FOXP1: variants seen among roughly 807,000 people sequenced by gnomAD.
FOXP1 encodes the protein forkhead box protein P1.
In FOXP1, 15 loss-of-function variants were observed where a neutral mutation model predicts 98.2. The ratio of observed to expected loss-of-function variants is 0.15; its 90% CI spans 0.10 to 0.24. The LOEUF is 0.24. FOXP1 is among the 10% of genes least tolerant of loss of function. The probability of loss-of-function intolerance (pLI) is 1.00; values close to 1 mark genes in which losing one functional copy is unlikely to be tolerated. For synonymous variants in FOXP1, 371 were observed against 314.5 expected, an observed-to-expected ratio of 1.18 and a Z score of -1.90; for missense variants, 633 against 848.5, an observed-to-expected ratio of 0.75 and a Z score of 3.15.
intron 2 of FOXP1, among the ~76,000 whole-genome samples, chr3:71,507,241 A>C (rs2041891216): frequency 6.6e-6 from 1 of 152,184 alleles, no homozygotes; most frequent in Non-Finnish European, 1.5e-5. Flanking sequence ...GGCCAGGGTA[A>C]ACTGACACCG....
Position 71,143,200 on chromosome 3 carries a change from T to C in FOXP1, c.181-30563A>G, listed in dbSNP as rs562925665. ...TATATTCTTTCCTGGACCATTTTCA[T>C]TTTTAGCTTCCTTTTCTAATTATTT... On this transcript the variant is annotated intron_variant, in intron 6 of 20. Coordinates refer to ENST00000649528, the MANE Select transcript of FOXP1 (RefSeq NM_001349338.3). Among the ~76,000 whole-genome samples the C allele has an allele frequency of 1.5e-3, 231 of 152,370 alleles. 2 individuals carry two copies. The highest frequency in any genetic ancestry group is 2.9e-3 in the Non-Finnish European group (200 of 68,034).
intron 5 of FOXP1, among the ~76,000 whole-genome samples, chr3:71,282,446 ATTCCATG>A (rs2071672829): frequency 1.3e-5 from 2 of 152,082 alleles, no homozygotes; most frequent in Admixed American, 1.3e-4. Context: ...AACTTACTAC[ATTCCATG>A]TACTGTGCCA....
chr3:71,113,712 C>CATAAAATAAAAT (rs145515459), intron 6 of FOXP1, among the ~76,000 whole-genome samples: 4 of 102,378 alleles, frequency 3.9e-5, no homozygotes, highest in African/African-American at 1.5e-4. Context: ...GCTTCCATCT[C>CATAAAATAAAAT]AAAATAAAAT....
At position 70,977,973 on chromosome 3, in the gene FOXP1, C is replaced by T; in HGVS notation, c.1203G>A (p.Gln401=). 6.2e-7 allele frequency: 1 copy of T among 1,614,120 alleles called. No homozygotes were observed. Among genetic ancestry groups the T allele is most frequent in the Non-Finnish European group, 8.5e-7 (1 of 1,180,022 alleles). The stretch of plus-strand genomic sequence containing the variant: ...GGGTCGTTGGAGTATGAGGTAAGCT[C>T]TGTGGAGAAGCCTCCGATGCGGACT... ...LSKSASEASP[Q]SLPHTPTTPT... Residue 401 remains glutamine, a synonymous_variant, in exon 15 of 21, where the codon CAG becomes CAA. Coordinates refer to ENST00000649528, the MANE Select transcript of FOXP1 (RefSeq NM_001349338.3).
intron 3 of FOXP1, among the ~76,000 whole-genome samples, chr3:71,370,260 T>C (rs1190620999): frequency 6.6e-6 from 1 of 152,072 alleles, no homozygotes; most frequent in African/African-American, 2.4e-5. Context: ...AATAAAAGAA[T>C]GCTATTACAC....
At chr3:71,127,088 C>A (rs1575882386) in intron 6 of FOXP1, among the ~76,000 whole-genome samples, 1 of 152,054 alleles carries the variant, frequency 6.6e-6, no homozygotes, top group South Asian at 2.1e-4. Flanking sequence ...GGCACCTCCA[C>A]CCTACTGTGG....
chr3:70,987,126 T>C (rs1575897239), intron 14 of FOXP1, among the ~76,000 whole-genome samples: 2 of 152,242 alleles, frequency 1.3e-5, no homozygotes, highest in African/African-American at 2.4e-5. Flanking sequence ...ATAAAGGCAG[T>C]GTACCTTTAA....
At chr3:71,206,542 T>C (rs1479293698) in intron 5 of FOXP1, among the ~76,000 whole-genome samples, 9 of 152,270 alleles carry the variant, frequency 5.9e-5, no homozygotes. Flanking sequence ...TAAAATAATG[T>C]TCCTAACAAA....
chr3:71,319,417 T>A (rs1025121321), intron 4 of FOXP1, among the ~76,000 whole-genome samples: 10 of 152,162 alleles, frequency 6.6e-5, no homozygotes, highest in Non-Finnish European at 1.3e-4. Context: ...CTAACTACTA[T>A]GCTAACTATG....
chr3:71,503,329 A>G (rs968003999), intron 2 of FOXP1, among the ~76,000 whole-genome samples: 1 of 152,148 alleles, frequency 6.6e-6, no homozygotes, highest in Non-Finnish European at 1.5e-5. Context: ...AGGCCAAATT[A>G]CTTGCTAAAA....
chr3:71,357,392 T>G (rs1442953913), intron 4 of FOXP1, among the ~76,000 whole-genome samples: 1 of 152,192 alleles, frequency 6.6e-6, no homozygotes, highest in East Asian at 1.9e-4. Context: ...CAGGCTAAAA[T>G]TCTAACATGT....
chr3:71,158,723 A>G (rs1453631414), intron 6 of FOXP1, among the ~76,000 whole-genome samples: 1 of 96,216 alleles, frequency 1.0e-5, no homozygotes, highest in African/African-American at 3.5e-5. Flanking sequence ...TTCAGCCCAC[A>G]GACCAAAAAA....
At chr3:71,059,751 A>AATGGGAGGAG (rs1470255279) in intron 7 of FOXP1, among the ~76,000 whole-genome samples, 1 of 152,166 alleles carries the variant, frequency 6.6e-6, no homozygotes, top group African/African-American at 2.4e-5. Context: ...AAGTGCTGCA[A>AATGGGAGGAG]ATGGGAGGAG....
chr3:71,196,490 A>G (rs938923223), intron 6 of FOXP1, among the ~76,000 whole-genome samples: 2 of 152,134 alleles, frequency 1.3e-5, no homozygotes, highest in African/African-American at 4.8e-5. Flanking sequence ...AGAATTTCCC[A>G]TTTATGTAAT....
chr3:71,412,817 T>A (rs564206429), intron 3 of FOXP1, among the ~76,000 whole-genome samples: 2 of 152,146 alleles, frequency 1.3e-5, no homozygotes, highest in Admixed American at 6.6e-5. Flanking sequence ...ATGCATATAT[T>A]TTTTTAAAAA....
At chr3:71,542,825 G>C (rs1214106236) in intron 2 of FOXP1, among the ~76,000 whole-genome samples, 2 of 152,228 alleles carry the variant, frequency 1.3e-5, no homozygotes, top group Non-Finnish European at 2.9e-5. Context: ...TATGGAGTCA[G>C]CCTATGGCAG....
chr3:71,077,981 C>T (rs996778714), intron 7 of FOXP1, among the ~76,000 whole-genome samples: 12 of 152,104 alleles, frequency 7.9e-5, no homozygotes, highest in South Asian at 6.2e-4. Context: ...TATAGGCACG[C>T]GCCATCACGC....
intron 6 of FOXP1, among the ~76,000 whole-genome samples, chr3:71,154,539 A>G (rs184070339): frequency 6.6e-6 from 1 of 152,332 alleles, no homozygotes; most frequent in East Asian, 1.9e-4. Context: ...TCCTGTTAGT[A>G]TTCATTCACT....
At chr3:71,575,402 C>T (rs1253678213) in intron 2 of FOXP1, among the ~76,000 whole-genome samples, 2 of 152,142 alleles carry the variant, frequency 1.3e-5, no homozygotes, top group African/African-American at 4.8e-5. Flanking sequence ...CCATGTCAAT[C>T]AGCAAAAATT....
Sources: gnomAD v4.1 joint callset for allele counts (sites outside exome capture counted in the v4.1 genomes callset) on GRCh38, gnomAD v4.1.1 for gene constraint, MANE v1.5 for transcripts, NCBI Gene and HGNC (gene_info 2026-07-23, HGNC 2026-07-21) for gene names.